The following ATP11B variants were observed in gnomAD, a reference collection of about 807,000 sequenced individuals.
ATP11B encodes the protein phospholipid-transporting ATPase IF.
ATP11B carries 81 observed loss-of-function variants against 157.8 expected under a neutral mutation model. The ratio of observed to expected loss-of-function variants is 0.51; its 90% CI spans 0.43 to 0.62. The LOEUF (loss-of-function observed/expected upper bound fraction) is 0.62. Ranked by LOEUF, ATP11B falls within the 20% of genes least tolerant of loss-of-function variation. The pLI is 0.00. For missense variants in ATP11B, 1,165 were observed against 1,402.2 expected, an observed-to-expected ratio of 0.83 and a Z score of 2.70; for synonymous variants, 451 against 469.4, an observed-to-expected ratio of 0.96 and a Z score of 0.51.
At chr3:182,845,010 T>TTTA (rs1560081906) in intron 8 of ATP11B, among the ~76,000 whole-genome samples, 23 of 68,238 alleles carry the variant, frequency 3.4e-4, no homozygotes, top group African/African-American at 8.7e-4. Context: ...TTTTTTATTT[T>TTTA]TTTTTATTTT....
At position 182,865,613 on chromosome 3, in the gene ATP11B, T is replaced by G. The variant is rs1721172485; in HGVS notation, c.1358T>G (p.Leu453Arg). The G allele has an allele frequency of 6.2e-7, 1 of 1,613,668 alleles. No homozygotes were observed. Among genetic ancestry groups the G allele is most frequent in the Non-Finnish European group, 8.5e-7 (1 of 1,179,652 alleles). The part of the protein sequence containing the change: ...PDSSEGNLSY[L>R]SSLSHLNNLS... ...TCTTCAGAAGGAAACTTATCTTATC[T>G]TAGTAGTTTATCCCATCTTAACAAC... is the stretch of plus-strand genomic sequence containing the variant. Residue 453 changes from leucine to arginine, a missense_variant, in exon 13 of 30, where the codon CTT becomes CGT. Physicochemically the swap from Leu to Arg is moderately radical, Grantham distance 102. Coordinates refer to ENST00000323116, the MANE Select transcript of ATP11B (RefSeq NM_014616.3).
At chr3:182,824,039 T>C (rs1325768337) in intron 2 of ATP11B, among the ~76,000 whole-genome samples, 4 of 152,148 alleles carry the variant, frequency 2.6e-5, no homozygotes, top group Non-Finnish European at 4.4e-5. Flanking sequence ...CTGCTTTCTG[T>C]AACTATAGTT....
intron 17 of ATP11B, among the ~76,000 whole-genome samples, chr3:182,871,008 T>C (rs1336322638): frequency 6.6e-6 from 1 of 151,822 alleles, no homozygotes; most frequent in East Asian, 1.9e-4. Context: ...GTTATTAGGA[T>C]ATTTATTATG....
intron 25 of ATP11B, among the ~76,000 whole-genome samples, chr3:182,893,364 C>T (rs1331823884): frequency 2.0e-5 from 3 of 152,068 alleles, no homozygotes; most frequent in East Asian, 1.9e-4. Context: ...CCCTGAGCCC[C>T]AAAAGTTCAT....
chr3:182,833,846 A>G (rs541711736), intron 4 of ATP11B: 5 of 152,350 alleles, frequency 3.3e-5, no homozygotes, highest in African/African-American at 1.2e-4. Flanking sequence ...CCCAAGTGCA[A>G]GAAAAGGCAA....
chr3:182,853,601 GT>G (rs905124180), intron 10 of ATP11B, among the ~76,000 whole-genome samples: 4 of 151,592 alleles, frequency 2.6e-5, no homozygotes, highest in African/African-American at 4.8e-5. Context: ...TTAGGAATAA[GT>G]TTTTTTTTAA....
rs529714699 is a variant in ATP11B, at chr3:182,840,377, A to C, written c.657-1698A>C. On this transcript the variant is annotated intron_variant, in intron 7 of 29. Coordinates refer to ENST00000323116, the MANE Select transcript of ATP11B (RefSeq NM_014616.3). Reference sequence around the variant, plus strand: ...TTCCTTCTCTACCTTACCTTTCGCTATCTACCCTCACTCCCTTGGTGATCT... The same window carrying C: ...TTCCTTCTCTACCTTACCTTTCGCTCTCTACCCTCACTCCCTTGGTGATCT... 4.6e-5 allele frequency among the ~76,000 whole-genome samples: 7 copies of C among 152,020 alleles called. No individual in the cohort carries two copies. The East Asian group carries it at 1.4e-3, about 29-fold the overall frequency.
intron 29 of ATP11B, 62 bp downstream of exon 29, chr3:182,914,056 C>T (rs1724982031): frequency 1.3e-6 from 2 of 1,595,674 alleles, no homozygotes. Context: ...ACAGGATGAA[C>T]CTGCCGCTCT....
At chr3:182,888,357 G>A (rs942837780) in intron 24 of ATP11B, among the ~76,000 whole-genome samples, 1 of 152,082 alleles carries the variant, frequency 6.6e-6, no homozygotes, top group African/African-American at 2.4e-5. Flanking sequence ...TCCCATAATA[G>A]CTATTATTAG....
At chr3:182,910,756 T>C (rs1278818184) in intron 28 of ATP11B, among the ~76,000 whole-genome samples, 1 of 152,172 alleles carries the variant, frequency 6.6e-6, no homozygotes, top group Non-Finnish European at 1.5e-5. Flanking sequence ...AAAGCACATG[T>C]TGTTAAACTA....
At chr3:182,793,818 T>C in intron 1 of ATP11B, 32 bp downstream of exon 1, 1 of 1,308,536 alleles carries the variant, frequency 7.6e-7, no homozygotes. Context: ...CCTCCATTCG[T>C]CCGCCCCCGC....
chr3:182,906,984 T>G (rs1317848474), intron 28 of ATP11B, among the ~76,000 whole-genome samples: 1 of 151,444 alleles, frequency 6.6e-6, no homozygotes, highest in African/African-American at 2.4e-5. Context: ...TCCCAGCTAC[T>G]CGGGAGGCTG....
intron 2 of ATP11B, among the ~76,000 whole-genome samples, chr3:182,820,983 A>C (rs1396109145): frequency 2.0e-5 from 3 of 152,196 alleles, no homozygotes; most frequent in African/African-American, 7.2e-5. Flanking sequence ...CTTTTATGAA[A>C]TCTATTTTAC....
intron 28 of ATP11B, among the ~76,000 whole-genome samples, chr3:182,910,387 G>A (rs1016442692): frequency 6.6e-6 from 1 of 151,978 alleles, no homozygotes; most frequent in Non-Finnish European, 1.5e-5. Flanking sequence ...ACCAGCCTGG[G>A]CCGTATAGTA....
Position 182,793,705 on chromosome 3 carries a change from C to T in ATP11B, c.-55C>T. The T allele has an allele frequency of 1.5e-6, 2 of 1,320,342 alleles. No homozygotes were observed. 81.8% of individuals were successfully genotyped at this position (1,320,342 alleles called of 1,614,324 possible). A position where few individuals can be genotyped will look rare whatever the true frequency, so the allele number is the denominator to read the frequency against. Reference sequence around the variant, plus strand: ...CCCGCCTCTGTCTTGTCGGCCTCCACCTGCAGCCCCGCGGCCCCCGCGCCC... The same window carrying T: ...CCCGCCTCTGTCTTGTCGGCCTCCATCTGCAGCCCCGCGGCCCCCGCGCCC... On this transcript the variant is annotated 5_prime_UTR_variant, in exon 1 of 30. Coordinates refer to ENST00000323116, the MANE Select transcript of ATP11B (RefSeq NM_014616.3).
chr3:182,866,635 G>T (rs1205196549), intron 14 of ATP11B, among the ~76,000 whole-genome samples, 192 bp downstream of exon 14: 5 of 149,576 alleles, frequency 3.3e-5, no homozygotes, highest in East Asian at 3.9e-4. Context: ...TATCAAGCTT[G>T]CATTGAGTCT....
intron 8 of ATP11B, among the ~76,000 whole-genome samples, chr3:182,842,823 A>G (rs1345375727): frequency 1.3e-5 from 2 of 152,196 alleles, no homozygotes; most frequent in African/African-American, 4.8e-5. Context: ...TTCAAACACA[A>G]ATCCCTTACA....
intron 11 of ATP11B, among the ~76,000 whole-genome samples, chr3:182,858,238 C>T (rs1047364274): frequency 1.3e-5 from 2 of 152,160 alleles, no homozygotes; most frequent in African/African-American, 4.8e-5. Flanking sequence ...GTTGTATTCC[C>T]TGTGGCATGA....
At chr3:182,916,780 A>G (rs2108600203) in intron 29 of ATP11B, 1 of 985,292 alleles carries the variant, frequency 1.0e-6, no homozygotes, top group Non-Finnish European at 1.2e-6. Context: ...CAATGTGGAA[A>G]GAAGAAAAAC....
Sources: gnomAD v4.1 joint callset for allele counts (sites outside exome capture counted in the v4.1 genomes callset) on GRCh38, gnomAD v4.1.1 for gene constraint, MANE v1.5 for transcripts, NCBI Gene and HGNC (gene_info 2026-07-23, HGNC 2026-07-21) for gene names.